HECW2: variants seen among roughly 807,000 people sequenced by gnomAD.
HECW2 encodes HECT, C2 and WW domain containing E3 ubiquitin protein ligase 2, also known as E3 ubiquitin-protein ligase HECW2.
A neutral mutation model predicts 175.2 loss-of-function variants in HECW2; 61 were observed. The ratio of observed to expected loss-of-function variants is 0.35; its 90% CI spans 0.28 to 0.43. HECW2 has a LOEUF of 0.43. Among genes scored for constraint, HECW2 ranks in the 20% least tolerant of loss-of-function variants. The pLI is 1.00. For missense variants in HECW2, 1,524 were observed against 2,000.5 expected, an observed-to-expected ratio of 0.76 and a Z score of 4.54; for synonymous variants, 671 against 731.0, an observed-to-expected ratio of 0.92 and a Z score of 1.32.
intron 1 of HECW2, among the ~76,000 whole-genome samples, chr2:196,433,912 G>A (rs1310623644): frequency 6.6e-6 from 1 of 152,194 alleles, no homozygotes; most frequent in Non-Finnish European, 1.5e-5. Flanking sequence ...CACTTGCTCA[G>A]TTTCCTTAGC....
At chr2:196,492,791 G>C (rs1230823847) in intron 1 of HECW2, among the ~76,000 whole-genome samples, 1 of 152,110 alleles carries the variant, frequency 6.6e-6, no homozygotes, top group Non-Finnish European at 1.5e-5. Flanking sequence ...CTTGAATTTT[G>C]CAAGACATAC....
chr2:196,384,692 C>T (rs960447973), intron 2 of HECW2, among the ~76,000 whole-genome samples: 1 of 152,162 alleles, frequency 6.6e-6, no homozygotes, highest in African/African-American at 2.4e-5. Flanking sequence ...TATTGCCCCT[C>T]CCTAGTATTT....
chr2:196,438,195 T>C (rs564486506), intron 1 of HECW2, among the ~76,000 whole-genome samples: 1 of 152,270 alleles, frequency 6.6e-6, no homozygotes, highest in Non-Finnish European at 1.5e-5. Context: ...AGAGCATGGC[T>C]ACTAGGACGA....
At chr2:196,570,556 G>A (rs1270857622) in intron 1 of HECW2, among the ~76,000 whole-genome samples, 1 of 152,128 alleles carries the variant, frequency 6.6e-6, no homozygotes, top group Non-Finnish European at 1.5e-5. Context: ...CTGTCATGGG[G>A]TAGGGGGTAG....
At chr2:196,463,813 T>C (rs1696839804) in intron 1 of HECW2, among the ~76,000 whole-genome samples, 1 of 152,144 alleles carries the variant, frequency 6.6e-6, no homozygotes, top group Admixed American at 6.6e-5. Flanking sequence ...TTCCTTTCCC[T>C]GAAAATCCAC....
At chr2:196,587,428 T>C (rs1691021626) in intron 1 of HECW2, among the ~76,000 whole-genome samples, 1 of 152,240 alleles carries the variant, frequency 6.6e-6, no homozygotes. Context: ...ATTGTCACTC[T>C]CAGAGATTCC....
intron 17 of HECW2, among the ~76,000 whole-genome samples, chr2:196,266,186 A>C (rs200824911): frequency 0.03 from 4,356 of 145,938 alleles, 134 homozygotes; most frequent in South Asian, 0.1. Context: ...AAAAAAAAAA[A>C]ACACAAAACA....
chr2:196,535,041 TC>T (rs1427132252), intron 1 of HECW2, among the ~76,000 whole-genome samples: 1 of 142,740 alleles, frequency 7.0e-6, no homozygotes, highest in Non-Finnish European at 1.5e-5. Context: ...AAACAAATTG[TC>T]AATATAACAA....
chr2:196,217,866 A>T (rs1575237077), intron 26 of HECW2: 1 of 152,270 alleles, frequency 6.6e-6, no homozygotes, highest in Non-Finnish European at 1.5e-5. Context: ...CAATGAATAG[A>T]CATAGTTAAT....
Position 196,456,475 on chromosome 2 carries a change from A to G in HECW2, c.-35-23017T>C, listed in dbSNP as rs541347279. ...ACAATCTTCCATAAGCACTTTCTGT[A>G]TATGGATTGTAAATGGCTCCTTGGG... is the stretch of plus-strand genomic sequence containing the variant. On this transcript the variant is annotated intron_variant, in intron 1 of 28. Transcript: ENST00000644978. Among the ~76,000 whole-genome samples, 4 of 152,312 alleles carry G rather than the reference A, an allele frequency of 2.6e-5. No homozygotes were observed. In the South Asian group the frequency reaches 8.3e-4, roughly 32 times the overall value.
chr2:196,547,244 ATGGGCTATAACCTAGCATGTTCAGAAG>A (rs1045594572), intron 1 of HECW2, among the ~76,000 whole-genome samples: 2 of 152,216 alleles, frequency 1.3e-5, no homozygotes, highest in African/African-American at 2.4e-5. Context: ...GCATTCCATG[ATGGGCTATAACCTAGCATGTTCAGAAG>A]GCTGGACTCA....
rs111992212 is a variant in HECW2 at position 196,530,924 on chromosome 2, C to A, written c.-36+62584G>T. ...TTTTCTTAAATACACTATCCTCTTA[C>A]CATGAGTTCTCGCACATGTTCCCTC... On this transcript the variant is annotated intron_variant, in intron 1 of 28. Transcript: ENST00000644978. 2.9e-3 allele frequency among the ~76,000 whole-genome samples: 445 copies of A among 152,322 alleles called. 1 individual carries two copies. The highest frequency in any genetic ancestry group is 0.01 in the African/African-American group (420 of 41,582).
intron 27 of HECW2, among the ~76,000 whole-genome samples, chr2:196,216,352 G>A (rs999217368): frequency 6.6e-6 from 1 of 152,080 alleles, no homozygotes. Flanking sequence ...ATTTAAAAAA[G>A]AGAATGTCTG....
Position 196,275,706 on chromosome 2 carries a change from C to G in HECW2, c.3136-1583G>C, listed in dbSNP as rs368843586. ...GGTGGTGGTTGCAGTGAGCAAAGAT[C>G]GCACCACTGCACTCCTGCCTGGCGA... On this transcript the variant is annotated intron_variant, in intron 15 of 28. Transcript: ENST00000644978. Among the ~76,000 whole-genome samples, 6 of 151,324 alleles carry G rather than the reference C, an allele frequency of 4.0e-5. No individual in the cohort carries two copies. The East Asian group carries it at 1.2e-3, about 29-fold the overall frequency.
intron 1 of HECW2, among the ~76,000 whole-genome samples, chr2:196,467,592 G>A (rs555325213): frequency 4.6e-5 from 7 of 152,198 alleles, no homozygotes; most frequent in Admixed American, 1.3e-4. Context: ...GGAAATGGCT[G>A]CTATGTATTT....
At chr2:196,494,140 T>G (rs1477736688) in intron 1 of HECW2, among the ~76,000 whole-genome samples, 2 of 152,180 alleles carry the variant, frequency 1.3e-5, no homozygotes, top group Non-Finnish European at 2.9e-5. Context: ...GGAATGAAAG[T>G]CTGAGAGCAG....
intron 1 of HECW2, among the ~76,000 whole-genome samples, chr2:196,476,782 G>A (rs898075820): frequency 2.0e-5 from 3 of 151,700 alleles, no homozygotes; most frequent in African/African-American, 4.8e-5. Flanking sequence ...AAAATTTGGG[G>A]TACACAGAAC....
intron 1 of HECW2, among the ~76,000 whole-genome samples, chr2:196,578,486 A>G (rs1260896934): frequency 2.0e-5 from 3 of 152,210 alleles, no homozygotes; most frequent in Non-Finnish European, 1.5e-5. Context: ...TTTGATGAAA[A>G]CCATTAACCT....
At chr2:196,372,100 C>T (rs1470466899) in intron 2 of HECW2, among the ~76,000 whole-genome samples, 4 of 152,146 alleles carry the variant, frequency 2.6e-5, no homozygotes, top group Non-Finnish European at 5.9e-5. Context: ...TGCATTTTTG[C>T]TAACATGAAA....
Sources: gnomAD v4.1 joint callset for allele counts (sites outside exome capture counted in the v4.1 genomes callset) on GRCh38, gnomAD v4.1.1 for gene constraint, MANE v1.5 for transcripts, NCBI Gene and HGNC (gene_info 2026-07-23, HGNC 2026-07-21) for gene names.